EHBP1: variants seen among roughly 807,000 people sequenced by gnomAD.
EHBP1 encodes EH domain-binding protein 1.
A neutral mutation model predicts 144.0 loss-of-function variants in EHBP1; 55 were observed. The ratio of observed to expected loss-of-function variants is 0.38; its 90% CI spans 0.31 to 0.48. The LOEUF is 0.48. Ranked by LOEUF, EHBP1 falls within the 20% of genes least tolerant of loss-of-function variation. The pLI, the probability that EHBP1 is intolerant of heterozygous loss-of-function variation, is 0.98. For missense variants in EHBP1, 1,200 were observed against 1,364.2 expected (o/e 0.88, Z 1.90); for synonymous variants, 469 against 472.7 (o/e 0.99, Z 0.10).
chr2:62,823,617 G>A (rs971095853), intron 5 of EHBP1, among the ~76,000 whole-genome samples: 1 of 151,954 alleles, frequency 6.6e-6, no homozygotes, highest in Non-Finnish European at 1.5e-5. Context: ...ATTTAGACTT[G>A]GTGGTTATAA....
chr2:62,842,451 C>G (rs139814226), intron 7 of EHBP1, among the ~76,000 whole-genome samples: 35 of 152,268 alleles, frequency 2.3e-4, no homozygotes, highest in African/African-American at 7.9e-4. Flanking sequence ...CTAATGATCT[C>G]TCCGTAAGCT....
intron 5 of EHBP1, chr2:62,772,271 G>T (rs1460412926): frequency 1.3e-5 from 2 of 152,002 alleles, no homozygotes; most frequent in African/African-American, 2.4e-5. Flanking sequence ...GTTTATTTGG[G>T]TTGAGAGATC....
chr2:63,014,794 A>G (rs2153261148), intron 19 of EHBP1, among the ~76,000 whole-genome samples: 2 of 152,354 alleles, frequency 1.3e-5, no homozygotes, highest in African/African-American at 4.8e-5. Flanking sequence ...CCTGACCAAC[A>G]TGGAGAAACC....
intron 2 of EHBP1, among the ~76,000 whole-genome samples, chr2:62,712,540 A>G (rs1402532518): frequency 6.6e-6 from 1 of 152,226 alleles, no homozygotes; most frequent in Non-Finnish European, 1.5e-5. Flanking sequence ...GGCATGGAAT[A>G]GATAGAGTTG....
intron 21 of EHBP1, among the ~76,000 whole-genome samples, chr2:63,043,412 T>C (rs2061761820): frequency 6.7e-6 from 1 of 150,204 alleles, no homozygotes; most frequent in Non-Finnish European, 1.5e-5. Context: ...GATCAGTTAT[T>C]TAAAGTATTT....
intron 9 of EHBP1, among the ~76,000 whole-genome samples, chr2:62,873,714 A>G (rs1397557668): frequency 6.6e-6 from 1 of 152,196 alleles, no homozygotes; most frequent in East Asian, 1.9e-4. Context: ...TAACAACTAC[A>G]TAGAAAAGAT....
At chr2:63,006,618 T>C (rs1193253834) in intron 19 of EHBP1, among the ~76,000 whole-genome samples, 1 of 151,968 alleles carries the variant, frequency 6.6e-6, no homozygotes, top group East Asian at 1.9e-4. Context: ...AAATACATTT[T>C]AAGTAAAAGT....
chr2:62,935,546 T>C (rs948525397), intron 10 of EHBP1, among the ~76,000 whole-genome samples: 1 of 152,020 alleles, frequency 6.6e-6, no homozygotes, highest in South Asian at 2.1e-4. Context: ...GTTTTGTACA[T>C]TGATTTTGTA....
chr2:63,031,026 A>G (rs570578597), intron 19 of EHBP1, among the ~76,000 whole-genome samples: 73 of 150,444 alleles, frequency 4.9e-4, no homozygotes, highest in Non-Finnish European at 7.8e-4. Flanking sequence ...CGAACTCCTG[A>G]CCTCAGGTGA....
At chr2:62,943,000 T>A (rs983128164) in intron 11 of EHBP1, 104 bp downstream of exon 11, 117 of 860,380 alleles carry the variant, frequency 1.4e-4, no homozygotes, top group Non-Finnish European at 1.9e-4. Context: ...TTTATATTTG[T>A]TTTATTACCC....
At chr2:63,006,723 A>T (rs981915204) in intron 19 of EHBP1, among the ~76,000 whole-genome samples, 1 of 151,918 alleles carries the variant, frequency 6.6e-6, no homozygotes, top group Non-Finnish European at 1.5e-5. Flanking sequence ...GCTAAAGATC[A>T]TAATAGAATA....
intron 5 of EHBP1, among the ~76,000 whole-genome samples, chr2:62,801,182 A>G (rs1440891466): frequency 1.3e-5 from 2 of 152,226 alleles, no homozygotes; most frequent in Non-Finnish European, 2.9e-5. Context: ...TCATTTTACC[A>G]ATAAACCTCA....
chr2:62,957,889 G>A (rs147635857), intron 14 of EHBP1, among the ~76,000 whole-genome samples: 4 of 151,716 alleles, frequency 2.6e-5, no homozygotes, highest in Non-Finnish European at 5.9e-5. Context: ...CTCGTGATCC[G>A]CCCGCCTCGG....
chr2:63,011,451 T>C (rs2060264580), intron 19 of EHBP1, among the ~76,000 whole-genome samples: 1 of 151,946 alleles, frequency 6.6e-6, no homozygotes, highest in Non-Finnish European at 1.5e-5. Flanking sequence ...TCCACTTAGT[T>C]TTTTTGGACT....
intron 19 of EHBP1, among the ~76,000 whole-genome samples, chr2:63,031,180 A>T (rs1371187527): frequency 2.0e-5 from 3 of 152,182 alleles, no homozygotes; most frequent in African/African-American, 7.2e-5. Flanking sequence ...TTCTAGAGCC[A>T]CTTGAGTCAT....
chr2:63,033,953 T>A (rs940658115), intron 19 of EHBP1, among the ~76,000 whole-genome samples: 3 of 152,098 alleles, frequency 2.0e-5, no homozygotes, highest in African/African-American at 7.2e-5. Context: ...CTATTATCAT[T>A]ATCCTTGATT....
intron 1 of EHBP1, among the ~76,000 whole-genome samples, chr2:62,686,034 C>CAT (rs1425655955): frequency 6.6e-6 from 1 of 152,088 alleles, no homozygotes; most frequent in African/African-American, 2.4e-5. Flanking sequence ...GTATTCTCTC[C>CAT]ATTTCTCTTT....
chr2:62,873,809 A>G (rs773337001), intron 9 of EHBP1, among the ~76,000 whole-genome samples: 4 of 152,174 alleles, frequency 2.6e-5, no homozygotes, highest in Non-Finnish European at 4.4e-5. Context: ...AGAATTCTCT[A>G]CCCAGCTAAA....
intron 15 of EHBP1, 74 bp from the exon 16 acceptor site, chr2:62,990,642 C>G: frequency 1.4e-6 from 2 of 1,451,502 alleles, no homozygotes; most frequent in Non-Finnish European, 9.5e-7. Context: ...CTTTTCTGAG[C>G]TCACATAAAA....
Sources: gnomAD v4.1 joint callset for allele counts (sites outside exome capture counted in the v4.1 genomes callset) on GRCh38, gnomAD v4.1.1 for gene constraint, MANE v1.5 for transcripts, NCBI Gene and HGNC (gene_info 2026-07-23, HGNC 2026-07-21) for gene names.